GPR39: variants seen among roughly 807,000 people sequenced by gnomAD.
GPR39 encodes zinc sensing receptor.
A neutral mutation model predicts 18.4 loss-of-function variants in GPR39; 23 were observed. That is an observed-to-expected ratio of 1.25 (90% CI 0.90 to 1.77). GPR39 has a LOEUF of 1.77. Among genes scored for constraint, GPR39 ranks in the 40% most tolerant of loss-of-function variants. The probability of loss-of-function intolerance (pLI) is 0.00; values close to 1 mark genes in which losing one functional copy is unlikely to be tolerated. For synonymous variants in GPR39, 280 were observed against 257.9 expected (o/e 1.09, Z -0.82); for missense variants, 647 against 602.4 (o/e 1.07, Z -0.78).
chr2:132,568,271 T>C (rs138499448), intron 1 of GPR39, among the ~76,000 whole-genome samples: 2 of 152,144 alleles, frequency 1.3e-5, no homozygotes, highest in East Asian at 3.9e-4. Context: ...GAAGTGATGA[T>C]GTTTCTTTCC....
intron 1 of GPR39, among the ~76,000 whole-genome samples, chr2:132,530,541 G>C (rs1188907382): frequency 1.3e-5 from 2 of 152,196 alleles, no homozygotes; most frequent in Non-Finnish European, 1.5e-5. Context: ...CCAACTCCAA[G>C]ACACATAATT....
chr2:132,498,105 A>G, intron 1 of GPR39, among the ~76,000 whole-genome samples: 1 of 152,060 alleles, frequency 6.6e-6, no homozygotes, highest in Non-Finnish European at 1.5e-5. Context: ...TTATTATTTC[A>G]GTAGGTTTTT....
At chr2:132,628,976 G>A (rs1334736999) in intron 1 of GPR39, among the ~76,000 whole-genome samples, 36 of 152,182 alleles carry the variant, frequency 2.4e-4, no homozygotes, top group Admixed American at 2.4e-3. Flanking sequence ...CATCACTCAT[G>A]TGGTTGTCCT....
chr2:132,542,429 C>A (rs934720186), intron 1 of GPR39, among the ~76,000 whole-genome samples: 1 of 152,172 alleles, frequency 6.6e-6, no homozygotes, highest in African/African-American at 2.4e-5. Context: ...GCCTTGGATT[C>A]CCCTCCTACC....
intron 1 of GPR39, among the ~76,000 whole-genome samples, chr2:132,587,551 A>G (rs77354775): frequency 0.011 from 1,667 of 152,096 alleles, 31 homozygotes; most frequent in African/African-American, 0.037. Flanking sequence ...TTTTCTTTTG[A>G]GATGGAGTCT....
At chr2:132,526,200 T>C (rs1679504967) in intron 1 of GPR39, among the ~76,000 whole-genome samples, 1 of 152,188 alleles carries the variant, frequency 6.6e-6, no homozygotes, top group African/African-American at 2.4e-5. Context: ...CCCCAGACCT[T>C]ATTGGAGATG....
chr2:132,480,458 C>A (rs566451556), intron 1 of GPR39, among the ~76,000 whole-genome samples: 1 of 152,008 alleles, frequency 6.6e-6, no homozygotes, highest in South Asian at 2.1e-4. Flanking sequence ...ATAGATACAG[C>A]GGCATGGTAT....
chr2:132,598,430 A>C (rs1348514382), intron 1 of GPR39, among the ~76,000 whole-genome samples: 8 of 66,186 alleles, frequency 1.2e-4, no homozygotes, highest in African/African-American at 5.1e-4. Context: ...TCTAAGGTGA[A>C]CTTTTTTTTT....
chr2:132,487,594 CA>C (rs1681366386), intron 1 of GPR39, among the ~76,000 whole-genome samples: 1 of 151,946 alleles, frequency 6.6e-6, no homozygotes, highest in Non-Finnish European at 1.5e-5. Flanking sequence ...GCAGAGTTGA[CA>C]AAGAACCAAG....
intron 1 of GPR39, among the ~76,000 whole-genome samples, chr2:132,436,396 C>G (rs1259922863): frequency 6.6e-6 from 1 of 152,164 alleles, no homozygotes. Context: ...TTAGACATTA[C>G]TTATGTCATG....
At chr2:132,455,700 C>T (rs1217319198) in intron 1 of GPR39, among the ~76,000 whole-genome samples, 5 of 152,272 alleles carry the variant, frequency 3.3e-5, no homozygotes, top group East Asian at 3.9e-4. Context: ...TCATTGGTTT[C>T]GAAGAGCATC....
chr2:132,589,231 C>T (rs900379573), intron 1 of GPR39, among the ~76,000 whole-genome samples: 1 of 152,126 alleles, frequency 6.6e-6, no homozygotes, highest in Non-Finnish European at 1.5e-5. Context: ...CCCCATTGCC[C>T]CTCTGCCTTC....
chr2:132,627,972 C>A (rs1167484316), intron 1 of GPR39, among the ~76,000 whole-genome samples: 3 of 152,164 alleles, frequency 2.0e-5, no homozygotes, highest in Non-Finnish European at 4.4e-5. Flanking sequence ...CCAGCAATGA[C>A]CCAGGTGGAC....
chr2:132,510,845 A>C (rs12691822), intron 1 of GPR39, among the ~76,000 whole-genome samples: 67,090 of 152,006 alleles, frequency 0.44, 15,592 homozygotes, highest in Non-Finnish European at 0.5. Flanking sequence ...ACCTGATTGT[A>C]TGTTGCATTT....
intron 1 of GPR39, among the ~76,000 whole-genome samples, chr2:132,623,758 C>T (rs1681488673): frequency 6.6e-6 from 1 of 152,150 alleles, no homozygotes; most frequent in African/African-American, 2.4e-5. Flanking sequence ...AGCAAAAATC[C>T]TGGAACCCCT....
chr2:132,531,195 G>T (rs1029068956), intron 1 of GPR39, among the ~76,000 whole-genome samples: 2 of 152,138 alleles, frequency 1.3e-5, no homozygotes, highest in East Asian at 1.9e-4. Flanking sequence ...AAAGGCAGGG[G>T]TTGCAATCCT....
intron 1 of GPR39, among the ~76,000 whole-genome samples, chr2:132,480,933 A>G (rs1681222090): frequency 6.6e-6 from 1 of 152,120 alleles, no homozygotes; most frequent in African/African-American, 2.4e-5. Context: ...CGAGTTGCAC[A>G]TTTTCAAATG....
chr2:132,546,160 A>G (rs1679945073), intron 1 of GPR39, among the ~76,000 whole-genome samples: 1 of 152,192 alleles, frequency 6.6e-6, no homozygotes, highest in Non-Finnish European at 1.5e-5. Flanking sequence ...ATTTATAACA[A>G]CAGTTCTCAA....
At chr2:132,592,353 G>T (rs564519718) in intron 1 of GPR39, among the ~76,000 whole-genome samples, 2 of 152,190 alleles carry the variant, frequency 1.3e-5, no homozygotes, top group Non-Finnish European at 2.9e-5. Context: ...AGAATTCCAG[G>T]TAGAAGGCAC....
Sources: allele counts gnomAD v4.1 joint callset (sites outside exome capture counted in the v4.1 genomes callset), GRCh38; gene constraint gnomAD v4.1.1; transcripts MANE v1.5; gene names NCBI Gene and HGNC (gene_info 2026-07-23, HGNC 2026-07-21).